Variants in SLC9A4 observed in about 807,000 individuals in gnomAD.
The protein encoded by SLC9A4 is sodium/hydrogen exchanger 4.
Under a neutral mutation model 67.4 loss-of-function variants are expected in SLC9A4, and 63 were observed. The observed-to-expected ratio is 0.93, with a 90% confidence interval of 0.76 to 1.15. The LOEUF (loss-of-function observed/expected upper bound fraction) is 1.15, where lower values mean the gene tolerates loss of function less well. Ranked by LOEUF, SLC9A4 falls within the 50% of genes most tolerant of loss-of-function variation. The pLI, the probability that SLC9A4 is intolerant of heterozygous loss-of-function variation, is 0.00. For synonymous variants in SLC9A4, 393 were observed against 367.2 expected, an observed-to-expected ratio of 1.07 and a Z score of -0.80; for missense variants, 1,089 against 987.7, an observed-to-expected ratio of 1.10 and a Z score of -1.38.
chr2:102,531,347 G>T (rs1674776071), intron 11 of SLC9A4, among the ~76,000 whole-genome samples: 1 of 152,176 alleles, frequency 6.6e-6, no homozygotes, highest in South Asian at 2.1e-4. Context: ...TTCCTTTGAA[G>T]ATGTGTGCAC....
intron 1 of SLC9A4, among the ~76,000 whole-genome samples, chr2:102,476,428 T>G (rs763947238): frequency 6.6e-6 from 1 of 152,248 alleles, no homozygotes; most frequent in Non-Finnish European, 1.5e-5. Context: ...GTGAAAGGCA[T>G]GTAGCATTTC....
chr2:102,490,073 T>C (rs1158675232), intron 2 of SLC9A4, among the ~76,000 whole-genome samples: 1 of 152,148 alleles, frequency 6.6e-6, no homozygotes, highest in Non-Finnish European at 1.5e-5. Context: ...TATTGTATTA[T>C]GTTGTGACTC....
intron 2 of SLC9A4, among the ~76,000 whole-genome samples, chr2:102,494,179 C>A (rs978456308): frequency 3.3e-5 from 5 of 151,852 alleles, no homozygotes; most frequent in Admixed American, 2.0e-4. Context: ...TACAAAGAGC[C>A]TTCTTACTTT....
Position 102,508,860 on chromosome 2 carries a change from GC to G in SLC9A4, c.1418del (p.Pro473LeufsTer25). 6.2e-7 allele frequency: 1 copy of G among 1,612,200 alleles called. No individual in the cohort carries two copies. Among genetic ancestry groups the G allele is most frequent in the Non-Finnish European group, 8.5e-7 (1 of 1,179,398 alleles). On this transcript the variant is annotated frameshift_variant, in exon 6 of 12. Transcript: ENST00000295269. LOFTEE classifies it high-confidence loss of function. ...FTVFIQGITV[G>X]PLVRYLDVKK... ...TTTCTGATCTAGGGAATCACAGTTG[GC>G]CCTCTGGTCAGGTACCTGGATGTTA...
chr2:102,477,205 C>A (rs1684353315), intron 1 of SLC9A4, among the ~76,000 whole-genome samples: 1 of 152,196 alleles, frequency 6.6e-6, no homozygotes, highest in Non-Finnish European at 1.5e-5. Flanking sequence ...TGACACTTTT[C>A]CCAGTTCAAA....
At chr2:102,501,400 C>T (rs1684938128) in intron 2 of SLC9A4, among the ~76,000 whole-genome samples, 2 of 152,100 alleles carry the variant, frequency 1.3e-5, no homozygotes, top group African/African-American at 4.8e-5. Context: ...GGATTACAGG[C>T]ATGAGCCTAA....
At chr2:102,476,644 G>GAAAA (rs1684339155) in intron 1 of SLC9A4, among the ~76,000 whole-genome samples, 1 of 151,950 alleles carries the variant, frequency 6.6e-6, no homozygotes, top group Non-Finnish European at 1.5e-5. Flanking sequence ...AGTTAAGTTT[G>GAAAA]GTTAAAATAA....
At position 102,507,187 on chromosome 2, in the gene SLC9A4, C is replaced by A. The variant is rs565991696; in HGVS notation, c.1199-892C>A. Among the ~76,000 whole-genome samples the A allele has an allele frequency of 2.6e-5, 4 of 152,268 alleles. No homozygotes were observed. In the South Asian group the frequency reaches 8.3e-4, roughly 32 times the overall value. Reference sequence around the variant, plus strand: ...TCACATGACTGGCATGGAGAGGAACCAGGACAAACACAACAATATTTTAAA... The same window carrying A: ...TCACATGACTGGCATGGAGAGGAACAAGGACAAACACAACAATATTTTAAA... On this transcript the variant is annotated intron_variant, in intron 4 of 11. Coordinates refer to ENST00000295269, the MANE Select transcript of SLC9A4 (RefSeq NM_001011552.4).
chr2:102,479,077 G>C lies in SLC9A4; in HGVS notation c.495G>C (p.Gly165=). Residue 165 remains glycine (G), a synonymous_variant, in exon 2 of 12, where the codon GGG becomes GGC. Transcript: ENST00000295269. ...CCATCCTGTGGTGGGCAGTATTGGG[G>C]GCCCTGATCAACGCCTTGGGCATTG... ...IGSILWWAVL[G]ALINALGIGL... is the part of the protein sequence containing the mutation. The C allele has an allele frequency of 1.2e-6, 2 of 1,614,192 alleles. No individual in the cohort carries two copies. Among genetic ancestry groups the C allele is most frequent in the South Asian group, 2.2e-5 (2 of 91,086 alleles).
chr2:102,526,588 C>T (rs1309022937), intron 11 of SLC9A4, among the ~76,000 whole-genome samples: 1 of 152,066 alleles, frequency 6.6e-6, no homozygotes, highest in Non-Finnish European at 1.5e-5. Context: ...TTTTCAGCCC[C>T]TTAAAAATGT....
intron 2 of SLC9A4, among the ~76,000 whole-genome samples, chr2:102,501,256 G>A (rs1684934092): frequency 6.6e-6 from 1 of 150,688 alleles, no homozygotes; most frequent in Non-Finnish European, 1.5e-5. Context: ...TAAGTAGCTG[G>A]GACTACAAGC....
intron 9 of SLC9A4, among the ~76,000 whole-genome samples, chr2:102,520,286 A>C (rs1685377835): frequency 6.6e-6 from 1 of 152,194 alleles, no homozygotes; most frequent in African/African-American, 2.4e-5. Flanking sequence ...CAAAGATGGC[A>C]CCAGGATGCT....
Position 102,512,332 on chromosome 2 carries a change from G to T in SLC9A4, c.1559+59G>T, listed in dbSNP as rs1041288673. The T allele has an allele frequency of 1.7e-5, 26 of 1,575,472 alleles. No homozygotes were observed. The South Asian group carries it at 2.7e-4, about 16-fold the overall frequency. Reference sequence around the variant, plus strand: ...CTTCTAAAGGTTCCATTGGAAGCTGGGCATAAAATCAGAGAGAATTCAGGG... The same window carrying T: ...CTTCTAAAGGTTCCATTGGAAGCTGTGCATAAAATCAGAGAGAATTCAGGG... On this transcript the variant is annotated intron_variant, in intron 7 of 11. Coordinates refer to ENST00000295269, the MANE Select transcript of SLC9A4 (RefSeq NM_001011552.4).
intron 1 of SLC9A4, among the ~76,000 whole-genome samples, chr2:102,477,385 T>C (rs1684357320): frequency 6.6e-6 from 1 of 152,206 alleles, no homozygotes; most frequent in Non-Finnish European, 1.5e-5. Flanking sequence ...CAATCTCTTG[T>C]CATGAAAAAG....
intron 4 of SLC9A4, among the ~76,000 whole-genome samples, chr2:102,507,027 G>C (rs186262219): frequency 3.3e-5 from 5 of 152,188 alleles, no homozygotes; most frequent in African/African-American, 9.6e-5. Flanking sequence ...TACATAAAAG[G>C]CTGCATCTTA....
Position 102,532,680 on chromosome 2 carries a change from A to G in SLC9A4, c.2389A>G (p.Lys797Glu). The change falls in exon 12 of 12, where the codon AAA (lysine) becomes GAA (glutamate). Residue 797 changes from lysine to glutamate, a missense_variant. Lys to Glu is a moderately conservative substitution (Grantham distance 56). Transcript: ENST00000295269. ...CAGGTCCCATAGTCCTTTGCTCCAA[A>G]AAAAATAGTGTTATTGTCCACAAGA... ...HHRSHSPLLQ[K>E]K 6.2e-7 allele frequency: 1 copy of G among 1,611,782 alleles called. No individual in the cohort carries two copies. Among genetic ancestry groups the G allele is most frequent in the Non-Finnish European group, 8.5e-7 (1 of 1,178,796 alleles).
At chr2:102,504,598 G>T (rs1464732539) in intron 3 of SLC9A4, among the ~76,000 whole-genome samples, 1 of 152,092 alleles carries the variant, frequency 6.6e-6, no homozygotes, top group African/African-American at 2.4e-5. Flanking sequence ...TTTCTGTACG[G>T]CATTATCTTT....
chr2:102,483,825 T>TAC, intron 2 of SLC9A4, among the ~76,000 whole-genome samples: 1 of 121,728 alleles, frequency 8.2e-6, no homozygotes, highest in African/African-American at 3.9e-5. Flanking sequence ...TATATATATA[T>TAC]ATATATATAT....
At position 102,510,845 on chromosome 2, in the gene SLC9A4, G is replaced by T. The variant is rs188371493; in HGVS notation, c.1489-1358G>T. Among the ~76,000 whole-genome samples the T allele has an allele frequency of 1.1e-4, 16 of 152,290 alleles. No homozygotes were observed. The East Asian group carries it at 3.1e-3, about 29-fold the overall frequency. On this transcript the variant is annotated intron_variant, in intron 6 of 11. Coordinates refer to ENST00000295269, the MANE Select transcript of SLC9A4 (RefSeq NM_001011552.4). The stretch of plus-strand genomic sequence containing the variant: ...CAAAGATGAATATGACACTGGGCAT[G>T]GTTTCTATTTGTTTGTTCAAGTTCA...
Sources: gnomAD v4.1 joint callset for allele counts (sites outside exome capture counted in the v4.1 genomes callset) on GRCh38, gnomAD v4.1.1 for gene constraint, MANE v1.5 for transcripts, NCBI Gene and HGNC (gene_info 2026-07-23, HGNC 2026-07-21) for gene names.